SIK3: variants seen among roughly 807,000 people sequenced by gnomAD.
SIK3 encodes the protein serine/threonine-protein kinase SIK3.
Under a neutral mutation model 144.2 loss-of-function variants are expected in SIK3, and 28 were observed. That is an observed-to-expected ratio of 0.19 (90% CI 0.14 to 0.27). The LOEUF is 0.27. Ranked by LOEUF, SIK3 falls within the 10% of genes least tolerant of loss-of-function variation. The pLI, the probability that SIK3 is intolerant of heterozygous loss-of-function variation, is 1.00. For synonymous variants in SIK3, 686 were observed against 676.3 expected (o/e 1.01, Z -0.22); for missense variants, 1,319 against 1,776.0 (o/e 0.74, Z 4.62).
intron 1 of SIK3, among the ~76,000 whole-genome samples, chr11:117,062,226 A>T (rs1017991985): frequency 6.6e-6 from 1 of 152,216 alleles, no homozygotes; most frequent in Non-Finnish European, 1.5e-5. Flanking sequence ...TTATATTTTC[A>T]GTAGGAAATA....
chr11:117,023,622 AT>A (rs67407051), intron 1 of SIK3, among the ~76,000 whole-genome samples: 3,101 of 73,258 alleles, frequency 0.042, 111 homozygotes, highest in African/African-American at 0.13. Context: ...AAAAAAAAAA[AT>A]ATATATATAT....
intron 3 of SIK3, among the ~76,000 whole-genome samples, chr11:116,951,803 G>T (rs1230972665): frequency 6.6e-6 from 1 of 151,988 alleles, no homozygotes; most frequent in African/African-American, 2.4e-5. Flanking sequence ...GCATGGTGGT[G>T]TATACCTACA....
At chr11:116,890,715 T>A (rs1273174251) in intron 6 of SIK3, among the ~76,000 whole-genome samples, 1 of 152,252 alleles carries the variant, frequency 6.6e-6, no homozygotes. Flanking sequence ...TAATTTTTTT[T>A]ATTCTGAATT....
chr11:117,087,391 C>A (rs539516046), intron 1 of SIK3, among the ~76,000 whole-genome samples: 29 of 151,866 alleles, frequency 1.9e-4, no homozygotes, highest in Admixed American at 3.3e-4. Context: ...TGCAGTGAGC[C>A]GAGATCGCAC....
At chr11:116,848,984 G>T in intron 22 of SIK3, 136 bp downstream of exon 22, 1 of 1,005,006 alleles carries the variant, frequency 1.0e-6, no homozygotes, top group South Asian at 2.3e-5. Context: ...AAAAAGAAAT[G>T]CTCCCCACCG....
intron 21 of SIK3, among the ~76,000 whole-genome samples, chr11:116,853,121 C>T (rs77462380): frequency 0.025 from 3,823 of 152,258 alleles, 87 homozygotes; most frequent in South Asian, 0.11. Flanking sequence ...TGAAAAATGA[C>T]GGTTGTTTGG....
intron 2 of SIK3, among the ~76,000 whole-genome samples, chr11:116,954,681 T>C (rs1383666904): frequency 6.6e-6 from 1 of 152,226 alleles, no homozygotes; most frequent in Non-Finnish European, 1.5e-5. Flanking sequence ...TGTTTTGTCT[T>C]GGTCCCTTTG....
At chr11:117,068,699 A>G (rs1954127925) in intron 1 of SIK3, among the ~76,000 whole-genome samples, 1 of 152,230 alleles carries the variant, frequency 6.6e-6, no homozygotes, top group South Asian at 2.1e-4. Flanking sequence ...GGCCACAGTG[A>G]GCCATAAATG....
chr11:117,040,482 G>C (rs1306825927), intron 1 of SIK3, among the ~76,000 whole-genome samples: 1 of 152,098 alleles, frequency 6.6e-6, no homozygotes, highest in Admixed American at 6.6e-5. Context: ...TAAGACATGT[G>C]CATAAATAAC....
At position 116,921,448 on chromosome 11, in the gene SIK3, G is replaced by A. The variant is rs532231911; in HGVS notation, c.616+5771C>T. ...CTGTGCCATTATGCAAGGAGGCTTC[G>A]TTAACAAGTAAGATTCTAGATTACC... is the stretch of plus-strand genomic sequence containing the variant. On this transcript the variant is annotated intron_variant, in intron 4 of 24. Coordinates refer to ENST00000445177, the MANE Select transcript of SIK3 (RefSeq NM_001366686.3). Among the ~76,000 whole-genome samples the A allele has an allele frequency of 5.3e-5, 8 of 152,164 alleles. No individual in the cohort carries two copies. The East Asian group carries it at 5.8e-4, about 11-fold the overall frequency.
At position 117,089,746 on chromosome 11, in the gene SIK3, T is replaced by G. The variant is rs547363519; in HGVS notation, c.273+8397A>C. 2.6e-5 allele frequency among the ~76,000 whole-genome samples: 4 copies of G among 152,308 alleles called. No homozygotes were observed. In the South Asian group the frequency reaches 6.2e-4, roughly 24 times the overall value. ...TTTCAGAACTTCATCAAAACCTAAATTTAGTTTAAAATAACTGGCCGAAAG... is the reference window on the plus strand; with the variant it reads ...TTTCAGAACTTCATCAAAACCTAAAGTTAGTTTAAAATAACTGGCCGAAAG... On this transcript the variant is annotated intron_variant, in intron 1 of 24. Coordinates refer to ENST00000445177, the MANE Select transcript of SIK3 (RefSeq NM_001366686.3).
At chr11:116,892,329 A>C (rs963413225) in intron 6 of SIK3, among the ~76,000 whole-genome samples, 1 of 152,212 alleles carries the variant, frequency 6.6e-6, no homozygotes, top group African/African-American at 2.4e-5. Context: ...TCTCAGAAGC[A>C]ATGAGAAAAA....
chr11:117,095,110 A>C (rs768482483), intron 1 of SIK3, among the ~76,000 whole-genome samples: 3 of 150,892 alleles, frequency 2.0e-5, no homozygotes, highest in Non-Finnish European at 4.4e-5. Flanking sequence ...TTAACCACGC[A>C]GTATTGGATG....
intron 1 of SIK3, among the ~76,000 whole-genome samples, chr11:116,965,760 T>TGGTGAAAACCCGTCTCTGCTA (rs1565507626): frequency 3.9e-4 from 24 of 61,324 alleles, no homozygotes; most frequent in South Asian, 1.3e-3. Flanking sequence ...TATATATATA[T>TGGTGAAAACCCGTCTCTGCTA]ATATATATAT....
At chr11:116,936,192 A>G (rs1035311635) in intron 3 of SIK3, among the ~76,000 whole-genome samples, 2 of 152,128 alleles carry the variant, frequency 1.3e-5, no homozygotes, top group Admixed American at 6.6e-5. Context: ...GTTTGTTTGC[A>G]TTTTTGAGAC....
intron 15 of SIK3, 72 bp from the exon 16 acceptor site, chr11:116,863,890 T>C: frequency 6.9e-7 from 1 of 1,449,016 alleles, no homozygotes; most frequent in Non-Finnish European, 9.3e-7. Context: ...GGGACTGCTG[T>C]TCCAGATGAA....
chr11:117,073,973 T>C (rs1219530559), intron 1 of SIK3, among the ~76,000 whole-genome samples: 2 of 152,204 alleles, frequency 1.3e-5, no homozygotes, highest in East Asian at 1.9e-4. Context: ...TAGAATGCAG[T>C]GGCACAATCA....
intron 1 of SIK3, among the ~76,000 whole-genome samples, chr11:117,044,937 A>G (rs1952893654): frequency 6.6e-6 from 1 of 152,184 alleles, no homozygotes; most frequent in Admixed American, 6.5e-5. Flanking sequence ...GCTAATAAAT[A>G]ATTGGTAATA....
intron 1 of SIK3, among the ~76,000 whole-genome samples, chr11:117,077,687 C>A (rs1327228708): frequency 1.3e-5 from 2 of 152,060 alleles, no homozygotes; most frequent in African/African-American, 4.8e-5. Context: ...GCCTAAAAAT[C>A]TCTCAGTTAA....
Sources: allele counts gnomAD v4.1 joint callset (sites outside exome capture counted in the v4.1 genomes callset), GRCh38; gene constraint gnomAD v4.1.1; transcripts MANE v1.5; gene names NCBI Gene and HGNC (gene_info 2026-07-23, HGNC 2026-07-21).